The following KMT2C variants were observed in gnomAD, a reference collection of about 807,000 sequenced individuals.
KMT2C encodes histone-lysine N-methyltransferase 2C.
Under a neutral mutation model 507.9 loss-of-function variants are expected in KMT2C, and 88 were observed. The ratio of observed to expected loss-of-function variants is 0.17; its 90% CI spans 0.15 to 0.21. The LOEUF is 0.21. Among genes scored for constraint, KMT2C ranks in the 10% least tolerant of loss-of-function variants. KMT2C has a pLI of 1.00. For missense variants in KMT2C, 4,954 were observed against 5,957.8 expected (o/e 0.83, Z 5.55); for synonymous variants, 2,049 against 2,080.8 (o/e 0.98, Z 0.42).
At chr7:152,214,433 G>A (rs1031761927) in intron 23 of KMT2C, among the ~76,000 whole-genome samples, 16 of 152,040 alleles carry the variant, frequency 1.1e-4, no homozygotes, top group East Asian at 1.9e-4. Context: ...TAGGTTCTTG[G>A]GAACTGAGAC....
chr7:152,184,660 G>T (rs1225986549), intron 34 of KMT2C, among the ~76,000 whole-genome samples: 1 of 152,150 alleles, frequency 6.6e-6, no homozygotes, highest in African/African-American at 2.4e-5. Context: ...TGTATCCATG[G>T]GGTATTGGTT....
At chr7:152,300,158 G>A (rs1412065039) in intron 6 of KMT2C, among the ~76,000 whole-genome samples, 1 of 152,180 alleles carries the variant, frequency 6.6e-6, no homozygotes, top group African/African-American at 2.4e-5. Context: ...ACAGAAATAT[G>A]TAGCATTTGA....
At chr7:152,202,597 A>C (rs2094180000) in intron 26 of KMT2C, among the ~76,000 whole-genome samples, 1 of 152,236 alleles carries the variant, frequency 6.6e-6, no homozygotes, top group Admixed American at 6.5e-5. Flanking sequence ...TGGCAAAGGA[A>C]ATTTCAACAG....
chr7:152,400,427 G>A (rs922778529), intron 1 of KMT2C, among the ~76,000 whole-genome samples: 1 of 152,162 alleles, frequency 6.6e-6, no homozygotes, highest in Non-Finnish European at 1.5e-5. Flanking sequence ...ACATCTTTGA[G>A]AAATTTCAGT....
Position 152,154,408 on chromosome 7 carries a change from T to A in KMT2C, c.11998A>T (p.Ser4000Cys). The A allele has an allele frequency of 6.2e-7, 1 of 1,614,004 alleles. No individual in the cohort carries two copies. Among genetic ancestry groups the A allele is most frequent in the Non-Finnish European group, 8.5e-7 (1 of 1,179,988 alleles). The change falls in exon 47 of 59, where the codon AGT (serine) becomes TGT (cysteine). Residue 4000 changes from serine (S) to cysteine (C), a missense_variant. By Grantham distance (112) the Ser-to-Cys change is moderately radical (BLOSUM62 -1). Coordinates refer to ENST00000262189, the MANE Select transcript of KMT2C (RefSeq NM_170606.3). Reference protein sequence around the residue: ...DHCGDRDTPDSFVPSSSPESV... With the variant: ...DHCGDRDTPDCFVPSSSPESV... ...TCAGGAGAGGATGAGGGAACAAAACTGTCAGGAGTATCTCGATCACCACAG... is the reference window on the plus strand; with the variant it reads ...TCAGGAGAGGATGAGGGAACAAAACAGTCAGGAGTATCTCGATCACCACAG...
At chr7:152,159,392 A>G (rs993921975) in intron 43 of KMT2C, among the ~76,000 whole-genome samples, 1 of 152,176 alleles carries the variant, frequency 6.6e-6, no homozygotes, top group Non-Finnish European at 1.5e-5. Flanking sequence ...ATTCCTGCTT[A>G]CTTACTGCAG....
intron 9 of KMT2C, among the ~76,000 whole-genome samples, chr7:152,260,954 C>A (rs2095759326): frequency 6.6e-6 from 1 of 152,236 alleles, no homozygotes; most frequent in South Asian, 2.1e-4. Context: ...TTTACATTCA[C>A]AAAATGAGAT....
At chr7:152,298,650 C>A (rs1405662449) in intron 6 of KMT2C, among the ~76,000 whole-genome samples, 2 of 152,242 alleles carry the variant, frequency 1.3e-5, no homozygotes, top group East Asian at 3.9e-4. Flanking sequence ...AAAGGATATT[C>A]TCCAGAAACA....
chr7:152,150,153 G>C (rs2091486328), intron 51 of KMT2C, among the ~76,000 whole-genome samples: 1 of 152,288 alleles, frequency 6.6e-6, no homozygotes, highest in South Asian at 2.1e-4. Flanking sequence ...CATATCATTT[G>C]TATCAACCAT....
rs141140825 is a variant in KMT2C, at chr7:152,373,154, G to A, written c.162-14479C>T. Among the ~76,000 whole-genome samples, 326 of 151,738 alleles carry A rather than the reference G, an allele frequency of 2.1e-3. 1 individual carries two copies. The highest frequency in any genetic ancestry group is 3.6e-3 in the Non-Finnish European group (241 of 67,856). On this transcript the variant is annotated intron_variant, in intron 1 of 58. Coordinates refer to ENST00000262189, the MANE Select transcript of KMT2C (RefSeq NM_170606.3). Reference sequence around the variant, plus strand: ...AAAAATGATCATCTCAACAAATGCAGAAAAAAAACAGATATAAATGCAGTA... The same window carrying A: ...AAAAATGATCATCTCAACAAATGCAAAAAAAAAACAGATATAAATGCAGTA...
chr7:152,211,762 G>A (rs182558051), intron 23 of KMT2C, among the ~76,000 whole-genome samples: 17 of 152,244 alleles, frequency 1.1e-4, no homozygotes, highest in African/African-American at 3.6e-4. Flanking sequence ...GAAAAAGACC[G>A]TATCGGCCAG....
intron 15 of KMT2C, among the ~76,000 whole-genome samples, chr7:152,236,259 T>G (rs1289718455): frequency 1.3e-5 from 2 of 152,272 alleles, no homozygotes; most frequent in Non-Finnish European, 2.9e-5. Flanking sequence ...TATTTCGAAG[T>G]GCAACAAATT....
chr7:152,274,339 G>A (rs2096038319), intron 6 of KMT2C, among the ~76,000 whole-genome samples: 1 of 151,866 alleles, frequency 6.6e-6, no homozygotes, highest in African/African-American at 2.4e-5. Context: ...AGTTAACAGG[G>A]ACACAAATGG....
At chr7:152,389,171 T>A (rs969670312) in intron 1 of KMT2C, among the ~76,000 whole-genome samples, 16 of 151,992 alleles carry the variant, frequency 1.1e-4, no homozygotes, top group Non-Finnish European at 1.8e-4. Flanking sequence ...CATGAGCCAC[T>A]GCGCCCAGCC....
chr7:152,153,052 CAT>C, intron 48 of KMT2C, 98 bp from the exon 49 acceptor site: 1 of 1,402,810 alleles, frequency 7.1e-7, no homozygotes, highest in Non-Finnish European at 9.7e-7. Flanking sequence ...TTGCATGATA[CAT>C]AGATTCTAAG....
chr7:152,372,360 T>C (rs10266257), intron 1 of KMT2C, among the ~76,000 whole-genome samples: 7,370 of 152,132 alleles, frequency 0.048, 630 homozygotes, highest in African/African-American at 0.17. Context: ...TTCACCATGT[T>C]GGTCAGGCTG....
chr7:152,247,568 C>A (rs1232177155), intron 14 of KMT2C, among the ~76,000 whole-genome samples: 2 of 152,396 alleles, frequency 1.3e-5, no homozygotes, highest in Non-Finnish European at 2.9e-5. Context: ...ACTGTATACC[C>A]AAAACTATAC....
At chr7:152,229,073 T>G (rs1225127458) in intron 18 of KMT2C, among the ~76,000 whole-genome samples, 5 of 152,168 alleles carry the variant, frequency 3.3e-5, no homozygotes, top group Non-Finnish European at 7.4e-5. Context: ...GACAATGATA[T>G]AATACAGTGA....
intron 1 of KMT2C, among the ~76,000 whole-genome samples, chr7:152,412,916 T>A (rs1051151622): frequency 7.2e-5 from 11 of 152,134 alleles, no homozygotes; most frequent in African/African-American, 2.7e-4. Flanking sequence ...TTTCCAAATC[T>A]ACAATGATAT....
Sources: allele counts gnomAD v4.1 joint callset (sites outside exome capture counted in the v4.1 genomes callset), GRCh38; gene constraint gnomAD v4.1.1; transcripts MANE v1.5; gene names NCBI Gene and HGNC (gene_info 2026-07-23, HGNC 2026-07-21).